Variants in MCC observed in about 807,000 individuals in gnomAD.
MCC encodes the protein colorectal mutant cancer protein.
A neutral mutation model predicts 116.2 loss-of-function variants in MCC; 90 were observed. That is an observed-to-expected ratio of 0.77 (90% CI 0.65 to 0.92). The LOEUF (loss-of-function observed/expected upper bound fraction) is 0.92, where lower values mean the gene tolerates loss of function less well. Among genes scored for constraint, MCC ranks in the 40% least tolerant of loss-of-function variants. The pLI, the probability that MCC is intolerant of heterozygous loss-of-function variation, is 0.00. For missense variants in MCC, 1,516 were observed against 1,312.2 expected (o/e 1.16, Z -2.40); for synonymous variants, 578 against 510.5 (o/e 1.13, Z -1.78).
chr5:113,441,077 G>A (rs943314513), intron 1 of MCC, among the ~76,000 whole-genome samples: 2 of 152,218 alleles, frequency 1.3e-5, no homozygotes, highest in Non-Finnish European at 2.9e-5. Context: ...GCTCACGCCT[G>A]TAATCCCAAC....
chr5:113,142,652 T>C (rs1460967665), intron 5 of MCC, among the ~76,000 whole-genome samples: 1 of 152,146 alleles, frequency 6.6e-6, no homozygotes, highest in Non-Finnish European at 1.5e-5. Flanking sequence ...GTCAAATCTT[T>C]CCCCCTGCCT....
At chr5:113,471,153 C>T (rs577695447) in intron 1 of MCC, among the ~76,000 whole-genome samples, 12 of 152,022 alleles carry the variant, frequency 7.9e-5, no homozygotes, top group Middle Eastern at 3.4e-3. Context: ...GTCATTTGAT[C>T]GTCTGAAGCC....
intron 16 of MCC, chr5:113,048,867 G>A (rs1432583879): frequency 1.7e-6 from 1 of 589,450 alleles, no homozygotes; most frequent in Non-Finnish European, 3.0e-6. Flanking sequence ...TGTGATATGT[G>A]AAAAGGTTCA....
rs189364033 is a variant in MCC, at chr5:113,137,942, T to C, written c.884+5276A>G. ...ACTTTCAGCAACCTGCATTGTCTGA[T>C]TCTTGGCTACATTACCCTGTAGCTA... is the stretch of plus-strand genomic sequence containing the variant. On this transcript the variant is annotated intron_variant, in intron 5 of 18. Coordinates refer to ENST00000408903, the MANE Select transcript of MCC (RefSeq NM_001085377.2). 2.1e-4 allele frequency among the ~76,000 whole-genome samples: 11 copies of C among 53,280 alleles called. No homozygotes were observed. In the East Asian group the frequency reaches 5.2e-3, roughly 25 times the overall value. The allele number at this position is 53,280 out of a possible 152,430, so 35.0% of individuals were successfully genotyped here. A position where few individuals can be genotyped will look rare whatever the true frequency, so the allele number is the denominator to read the frequency against.
chr5:113,282,618 A>G (rs1254881862), intron 3 of MCC, among the ~76,000 whole-genome samples: 2 of 152,136 alleles, frequency 1.3e-5, no homozygotes, highest in African/African-American at 4.8e-5. Flanking sequence ...CTGGAGTCCA[A>G]TGCACTCATT....
At chr5:113,073,358 T>G (rs1754178928) in intron 11 of MCC, among the ~76,000 whole-genome samples, 1 of 152,248 alleles carries the variant, frequency 6.6e-6, no homozygotes, top group Non-Finnish European at 1.5e-5. Context: ...TTGTGCTGCT[T>G]CCACTCTTAT....
Position 113,027,178 on chromosome 5 carries a change from A to C in MCC, c.*124T>G. ...TTGAGTTGGGGCACTCCATTGTCCA[A>C]GTGCCGACCTACCTGCCAGCCTTCC... On this transcript the variant is annotated 3_prime_UTR_variant, in exon 19 of 19. Coordinates refer to ENST00000408903, the MANE Select transcript of MCC (RefSeq NM_001085377.2). The C allele has an allele frequency of 1.0e-6, 1 of 992,024 alleles. No homozygotes were observed. Among genetic ancestry groups the C allele is most frequent in the Non-Finnish European group, 1.5e-6 (1 of 682,400 alleles). The allele number at this position is 992,024 out of a possible 1,614,324, so 61.5% of individuals were successfully genotyped here. A position where few individuals can be genotyped will look rare whatever the true frequency, so the allele number is the denominator to read the frequency against.
chr5:113,456,465 C>CT (rs1002465789), intron 1 of MCC, among the ~76,000 whole-genome samples: 25 of 150,330 alleles, frequency 1.7e-4, no homozygotes, highest in African/African-American at 4.1e-4. Flanking sequence ...GAGCACTACC[C>CT]TTTTTTTTTG....
intron 1 of MCC, among the ~76,000 whole-genome samples, chr5:113,449,651 C>T (rs759529899): frequency 6.6e-6 from 1 of 152,180 alleles, no homozygotes; most frequent in Admixed American, 6.5e-5. Context: ...TAGAGTGGAA[C>T]AGGAAAAGAG....
chr5:113,207,731 C>T (rs1452166819), intron 3 of MCC, among the ~76,000 whole-genome samples: 15 of 152,160 alleles, frequency 9.9e-5, no homozygotes, highest in Admixed American at 9.2e-4. Context: ...GTTATACCTA[C>T]TGAGTGAAAT....
chr5:113,155,658 T>C (rs1760131385), intron 3 of MCC, among the ~76,000 whole-genome samples: 1 of 152,234 alleles, frequency 6.6e-6, no homozygotes, highest in African/African-American at 2.4e-5. Flanking sequence ...AATCATATTC[T>C]GGTTTCTGAA....
chr5:113,271,967 T>G (rs150104699), intron 3 of MCC, among the ~76,000 whole-genome samples: 3 of 152,334 alleles, frequency 2.0e-5, no homozygotes, highest in East Asian at 3.9e-4. Context: ...ACTGAGACAG[T>G]TGACCATCCT....
intron 3 of MCC, among the ~76,000 whole-genome samples, chr5:113,339,224 C>T (rs1435630003): frequency 7.3e-6 from 1 of 136,770 alleles, no homozygotes; most frequent in African/African-American, 2.9e-5. Flanking sequence ...GAAACTCCAT[C>T]TCAAAAAAAA....
intron 11 of MCC, among the ~76,000 whole-genome samples, chr5:113,080,999 C>T (rs916145668): frequency 1.3e-5 from 2 of 152,048 alleles, no homozygotes; most frequent in African/African-American, 4.8e-5. Flanking sequence ...CTTTGCATGC[C>T]ACATAGCCTA....
intron 3 of MCC, among the ~76,000 whole-genome samples, chr5:113,189,604 T>C (rs994221953): frequency 6.6e-6 from 1 of 152,154 alleles, no homozygotes; most frequent in African/African-American, 2.4e-5. Context: ...CTTACCCCTT[T>C]ATAGTCACAC....
intron 3 of MCC, among the ~76,000 whole-genome samples, chr5:113,168,975 G>A (rs1208402142): frequency 6.6e-6 from 1 of 152,162 alleles, no homozygotes. Context: ...TGGATGTAAA[G>A]ATTGTGTTAG....
chr5:113,071,305 T>C, intron 11 of MCC, 71 bp from the exon 12 acceptor site: 1 of 1,530,678 alleles, frequency 6.5e-7, no homozygotes, highest in Non-Finnish European at 8.9e-7. Flanking sequence ...TTGTCTCATT[T>C]ATATTCAGGG....
At chr5:113,096,333 G>C (rs937154182) in intron 8 of MCC, among the ~76,000 whole-genome samples, 1 of 152,154 alleles carries the variant, frequency 6.6e-6, no homozygotes, top group African/African-American at 2.4e-5. Context: ...ATAATGTGGG[G>C]GAGTGTGCCA....
At chr5:113,131,652 C>T (rs760560751) in intron 5 of MCC, among the ~76,000 whole-genome samples, 22 of 152,146 alleles carry the variant, frequency 1.4e-4, no homozygotes, top group Non-Finnish European at 2.1e-4. Flanking sequence ...GATTTGCCAT[C>T]GTGGCTGTGA....
Sources: gnomAD v4.1 joint callset for allele counts (sites outside exome capture counted in the v4.1 genomes callset) on GRCh38, gnomAD v4.1.1 for gene constraint, MANE v1.5 for transcripts, NCBI Gene and HGNC (gene_info 2026-07-23, HGNC 2026-07-21) for gene names.